Variants in DENND4A observed in about 807,000 individuals in gnomAD.
DENND4A encodes C-myc promoter-binding protein.
DENND4A carries 70 observed loss-of-function variants against 199.3 expected under a neutral mutation model. That is an observed-to-expected ratio of 0.35 (90% CI 0.29 to 0.43). The LOEUF (loss-of-function observed/expected upper bound fraction) is 0.43. DENND4A is among the 20% of genes least tolerant of loss of function. The probability of loss-of-function intolerance (pLI) is 1.00; values close to 1 mark genes in which losing one functional copy is unlikely to be tolerated. For missense variants in DENND4A, 1,723 were observed against 2,255.8 expected (o/e 0.76, Z 4.78); for synonymous variants, 686 against 766.9 (o/e 0.89, Z 1.74).
intron 2 of DENND4A, among the ~76,000 whole-genome samples, chr15:65,760,335 T>TA (rs2076820977): frequency 6.7e-6 from 1 of 149,898 alleles, no homozygotes; most frequent in Non-Finnish European, 1.5e-5. Context: ...CGTCTCTACT[T>TA]AAAATACAAA....
chr15:65,724,974 T>C (rs993791256), intron 11 of DENND4A, among the ~76,000 whole-genome samples: 3 of 152,198 alleles, frequency 2.0e-5, no homozygotes, highest in Non-Finnish European at 4.4e-5. Flanking sequence ...CGGGATATGT[T>C]TGTGGCGTAA....
chr15:65,704,605 T>C (rs2074987194), intron 15 of DENND4A, among the ~76,000 whole-genome samples: 1 of 152,142 alleles, frequency 6.6e-6, no homozygotes, highest in Admixed American at 6.5e-5. Flanking sequence ...ATGTGGTTTT[T>C]TTGGAGATAG....
chr15:65,706,275 G>A (rs747110255), intron 14 of DENND4A, 51 bp from the exon 15 acceptor site: 1 of 1,423,770 alleles, frequency 7.0e-7, no homozygotes, highest in African/African-American at 1.5e-5. Context: ...GGTTAGCCAA[G>A]TGTTCATATA....
chr15:65,698,925 A>G (rs1474408821), intron 20 of DENND4A, among the ~76,000 whole-genome samples: 1 of 151,846 alleles, frequency 6.6e-6, no homozygotes, highest in Admixed American at 6.6e-5. Context: ...TTTAGTAGAG[A>G]TGGTGTTTCG....
intron 20 of DENND4A, among the ~76,000 whole-genome samples, chr15:65,698,309 A>G (rs2077222404): frequency 6.7e-6 from 1 of 148,390 alleles, no homozygotes; most frequent in Non-Finnish European, 1.5e-5. Flanking sequence ...AAAATTTTCT[A>G]ATACACTGTG....
chr15:65,706,654 C>A (rs1412233001), intron 14 of DENND4A, among the ~76,000 whole-genome samples: 1 of 152,140 alleles, frequency 6.6e-6, no homozygotes, highest in Non-Finnish European at 1.5e-5. Flanking sequence ...TGCCACCATG[C>A]CCAGCTAATT....
intron 4 of DENND4A, among the ~76,000 whole-genome samples, chr15:65,742,577 C>T (rs1330293769): frequency 6.6e-6 from 1 of 152,114 alleles, no homozygotes; most frequent in Non-Finnish European, 1.5e-5. Context: ...CAGGAACATG[C>T]CACCATGCCC....
In DENND4A at chr15:65,702,522, T is replaced by C. The variant is rs1385920542; in HGVS notation, c.2224-11A>G. 6.4e-7 allele frequency: 1 copy of C among 1,557,054 alleles called. No individual in the cohort carries two copies. Among genetic ancestry groups the C allele is most frequent in the Admixed American group, 1.9e-5 (1 of 51,990 alleles). On this transcript the variant is annotated splice_polypyrimidine_tract_variant and intron_variant, in intron 16 of 32. Coordinates refer to ENST00000443035, the MANE Select transcript of DENND4A (RefSeq NM_001320835.1). Reference sequence around the variant, plus strand: ...GGCTGATTTAATTTCCTGGAAAAAATATAAAGATCTTACTAATAAATTTAT... The same window carrying C: ...GGCTGATTTAATTTCCTGGAAAAAACATAAAGATCTTACTAATAAATTTAT...
At chr15:65,712,852 T>G (rs1187574133) in intron 14 of DENND4A, among the ~76,000 whole-genome samples, 1 of 152,168 alleles carries the variant, frequency 6.6e-6, no homozygotes, top group East Asian at 1.9e-4. Flanking sequence ...TCTTCCTTTT[T>G]TCTATTATCA....
At chr15:65,772,033 G>C in intron 1 of DENND4A, 1 of 1,367,044 alleles carries the variant, frequency 7.3e-7, no homozygotes, top group South Asian at 1.2e-5. Context: ...AGTGGGTAGA[G>C]CTTCTCGGCC....
chr15:65,751,836 A>G (rs1302233299), intron 4 of DENND4A, among the ~76,000 whole-genome samples: 1 of 152,200 alleles, frequency 6.6e-6, no homozygotes, highest in Non-Finnish European at 1.5e-5. Flanking sequence ...TGGAAAGAGT[A>G]AAGTGAGGAA....
intron 1 of DENND4A, chr15:65,767,286 GC>G (rs1272308841): frequency 6.6e-6 from 1 of 152,144 alleles, no homozygotes; most frequent in African/African-American, 2.4e-5. Context: ...TAACCAGCTT[GC>G]CTGTCTAACA....
rs8040844 is a variant in DENND4A, at chr15:65,704,009, T to C, written c.2088-1001A>G. Among the ~76,000 whole-genome samples the C allele has an allele frequency of 9.1e-3, 1,389 of 152,226 alleles. 14 individuals carry two copies. The highest frequency in any genetic ancestry group is 0.023 in the African/African-American group (963 of 41,518). ...GAAACCTAACTATAATAAAAGAGGGTAGACAATATTTTTTACACATTACTA... is the reference window on the plus strand; with the variant it reads ...GAAACCTAACTATAATAAAAGAGGGCAGACAATATTTTTTACACATTACTA... On this transcript the variant is annotated intron_variant, in intron 15 of 32. Transcript: ENST00000443035.
At position 65,690,934 on chromosome 15, in the gene DENND4A, C is replaced by A; in HGVS notation, c.3660G>T (p.Glu1220Asp). 1 of 1,603,796 alleles carries A rather than the reference C, an allele frequency of 6.2e-7. No homozygotes were observed. ...CTTCTTCTTTTTGCTGCTGTTCAGT[C>A]TCAGCAACCAAAAGAGAGAGGGGAT... ...GFDPLSLLVA[E>D]TEQQQKEEEE... Residue 1220 changes from glutamate (E) to aspartate (D), a missense_variant, in exon 23 of 33, where the codon GAG (glutamate) becomes GAT (aspartate). Physicochemically the swap from Glu to Asp is conservative, Grantham distance 45. This residue lies in a region of DENND4A where 650 missense variants were observed against 738.1 expected (regional missense o/e 0.88). Transcript: ENST00000443035.
rs532584142 is a variant in DENND4A, at chr15:65,786,390, T to C, written c.-102+5620A>G. 1.2e-4 allele frequency among the ~76,000 whole-genome samples: 19 copies of C among 152,282 alleles called. No individual in the cohort carries two copies. The East Asian group carries it at 3.7e-3, about 29-fold the overall frequency. Reference sequence around the variant, plus strand: ...TAAACTTACTAGAACATACATGTTTTGTTTTTTTTCTAGTGCCAGGCTCAG... The same window carrying C: ...TAAACTTACTAGAACATACATGTTTCGTTTTTTTTCTAGTGCCAGGCTCAG... On this transcript the variant is annotated intron_variant, in intron 1 of 32. Coordinates refer to ENST00000443035, the MANE Select transcript of DENND4A (RefSeq NM_001320835.1).
intron 15 of DENND4A, among the ~76,000 whole-genome samples, chr15:65,704,006 G>A (rs1812663114): frequency 6.6e-6 from 1 of 152,074 alleles, no homozygotes; most frequent in African/African-American, 2.4e-5. Flanking sequence ...TAATAAAAGA[G>A]GGTAGACAAT....
intron 4 of DENND4A, among the ~76,000 whole-genome samples, chr15:65,751,358 A>C (rs535817294): frequency 6.6e-6 from 1 of 152,362 alleles, no homozygotes; most frequent in Non-Finnish European, 1.5e-5. Flanking sequence ...GGAAGACTAT[A>C]AGCAGGTTTG....
intron 27 of DENND4A, 146 bp downstream of exon 27, chr15:65,669,633 C>T: frequency 1.5e-6 from 1 of 675,744 alleles, no homozygotes; most frequent in Non-Finnish European, 2.4e-6. Flanking sequence ...AATTTTAACA[C>T]TGTTTTAAGA....
rs1437567419 is a variant in DENND4A, at chr15:65,659,163, C to T, written c.*2688G>A. ...CATGGTTTATTGTCAACCATTTAAA[C>T]ATATAAACAAAACTAAGAGTAAGAA... On this transcript the variant is annotated 3_prime_UTR_variant, in exon 33 of 33. Coordinates refer to ENST00000443035, the MANE Select transcript of DENND4A (RefSeq NM_001320835.1). The T allele has an allele frequency of 1.3e-5, 2 of 151,952 alleles. No homozygotes were observed. The highest frequency in any genetic ancestry group is 6.6e-5 in the Admixed American group (1 of 15,260). 9.4% of individuals were successfully genotyped at this position (151,952 alleles called of 1,614,324 possible). A position where few individuals can be genotyped will look rare whatever the true frequency, so the allele number is the denominator to read the frequency against.
Sources: allele counts gnomAD v4.1 joint callset (sites outside exome capture counted in the v4.1 genomes callset), GRCh38; gene constraint gnomAD v4.1.1; regional missense constraint gnomAD v4.1.1; transcripts MANE v1.5; gene names NCBI Gene and HGNC (gene_info 2026-07-23, HGNC 2026-07-21).